Variants in TULP3 observed in about 807,000 individuals in gnomAD.
The protein encoded by TULP3 is TUB like protein 3, also known as tubby-related protein 3.
Under a neutral mutation model 50.7 loss-of-function variants are expected in TULP3, and 38 were observed. That is an observed-to-expected ratio of 0.75 (90% CI 0.58 to 0.98). TULP3 has a LOEUF of 0.98. TULP3 is among the 50% of genes least tolerant of loss of function. The pLI, the probability that TULP3 is intolerant of heterozygous loss-of-function variation, is 0.00. For synonymous variants in TULP3, 183 were observed against 196.6 expected (o/e 0.93, Z 0.58); for missense variants, 550 against 568.0 (o/e 0.97, Z 0.32).
At chr12:2,922,946 C>T (rs965795891) in intron 4 of TULP3, among the ~76,000 whole-genome samples, 11 of 151,726 alleles carry the variant, frequency 7.2e-5, no homozygotes, top group Admixed American at 2.6e-4. Flanking sequence ...CTCCGCCTCC[C>T]GGGTTCACGC....
intron 4 of TULP3, among the ~76,000 whole-genome samples, chr12:2,922,749 T>A (rs1002742571): frequency 1.3e-5 from 2 of 152,176 alleles, no homozygotes; most frequent in African/African-American, 2.4e-5. Flanking sequence ...CATTTCATAG[T>A]TGGTGATGAT....
intron 1 of TULP3, among the ~76,000 whole-genome samples, chr12:2,908,443 T>C (rs937761468): frequency 1.3e-5 from 2 of 152,116 alleles, no homozygotes. Context: ...TTTCTGTTTG[T>C]TTGTTTTGAG....
At chr12:2,899,979 T>C (rs976600757) in intron 1 of TULP3, among the ~76,000 whole-genome samples, 1 of 150,122 alleles carries the variant, frequency 6.7e-6, no homozygotes, top group African/African-American at 2.5e-5. Context: ...CTTTGGGAGG[T>C]TGAGGCAGGC....
At chr12:2,928,908 G>A (rs910528636) in intron 4 of TULP3, among the ~76,000 whole-genome samples, 4 of 152,120 alleles carry the variant, frequency 2.6e-5, no homozygotes, top group Non-Finnish European at 5.9e-5. Flanking sequence ...TGGTGCCACT[G>A]CACTCCAGCC....
intron 8 of TULP3, among the ~76,000 whole-genome samples, chr12:2,935,323 A>C (rs562522454): frequency 3.4e-4 from 51 of 152,060 alleles, no homozygotes; most frequent in African/African-American, 1.2e-3. Context: ...TTTCTGATGT[A>C]CTCCACTAGA....
In TULP3 at chr12:2,940,528, A is replaced by G; in HGVS notation, c.*1084A>G. On this transcript the variant is annotated 3_prime_UTR_variant, in exon 11 of 11. Coordinates refer to ENST00000448120, the MANE Select transcript of TULP3 (RefSeq NM_003324.5). ...ACTCTTACACCAGTTCACCCTTCCC[A>G]GAATGTATCCAAACCTTGAGAATGC... The G allele has an allele frequency of 6.5e-7, 1 of 1,546,622 alleles. No individual in the cohort carries two copies. Among genetic ancestry groups the G allele is most frequent in the East Asian group, 2.4e-5 (1 of 40,840 alleles).
At chr12:2,900,876 C>CTTT (rs57315328) in intron 1 of TULP3, among the ~76,000 whole-genome samples, 2 of 127,302 alleles carry the variant, frequency 1.6e-5, no homozygotes, top group Non-Finnish European at 1.6e-5. Context: ...AGCCGAAATA[C>CTTT]TTTTTTTTTT....
At chr12:2,911,453 C>T (rs1565500431) in intron 2 of TULP3, among the ~76,000 whole-genome samples, 3 of 151,536 alleles carry the variant, frequency 2.0e-5, no homozygotes, top group Admixed American at 6.6e-5. Flanking sequence ...CCCGGGTTCA[C>T]GCCATTCTCC....
chr12:2,940,500 GT>G lies in TULP3; in HGVS notation c.*1057del. ...ATTATTACACCCCTCCACGTATTAT[GT>G]GACTCTTACACCAGTTCACCCTTCC... On this transcript the variant is annotated 3_prime_UTR_variant, in exon 11 of 11. Coordinates refer to ENST00000448120, the MANE Select transcript of TULP3 (RefSeq NM_003324.5). The G allele has an allele frequency of 1.3e-6, 2 of 1,524,240 alleles. No homozygotes were observed. The highest frequency in any genetic ancestry group is 1.8e-6 in the Non-Finnish European group (2 of 1,132,366). 94.4% of individuals were successfully genotyped at this position (1,524,240 alleles called of 1,614,324 possible). A position where few individuals can be genotyped will look rare whatever the true frequency, so the allele number is the denominator to read the frequency against.
At chr12:2,914,678 G>A (rs2098187583) in intron 2 of TULP3, among the ~76,000 whole-genome samples, 1 of 152,062 alleles carries the variant, frequency 6.6e-6, no homozygotes, top group Non-Finnish European at 1.5e-5. Flanking sequence ...TGTTGCCCAG[G>A]TTGGAGTGTA....
chr12:2,902,618 A>G (rs374112846), intron 1 of TULP3, among the ~76,000 whole-genome samples: 29 of 152,370 alleles, frequency 1.9e-4, no homozygotes, highest in African/African-American at 6.0e-4. Flanking sequence ...TGACAGGAAC[A>G]TTGAGAGTCC....
rs1448663418 is a variant in TULP3 at position 2,941,031 on chromosome 12, T to G, written c.*1587T>G. On this transcript the variant is annotated 3_prime_UTR_variant, in exon 11 of 11. Coordinates refer to ENST00000448120, the MANE Select transcript of TULP3 (RefSeq NM_003324.5). Reference sequence around the variant, plus strand: ...TCTTCCTCCCTCTGGTTTAAAGAGATATATAAACTAATTTCACATAATTTG... The same window carrying G: ...TCTTCCTCCCTCTGGTTTAAAGAGAGATATAAACTAATTTCACATAATTTG... 1 of 318,560 alleles carries G rather than the reference T, an allele frequency of 3.1e-6. No homozygotes were observed. The highest frequency in any genetic ancestry group is 2.2e-5 in the African/African-American group (1 of 46,146). The allele number at this position is 318,560 out of a possible 1,614,324, so 19.7% of individuals were successfully genotyped here. A position where few individuals can be genotyped will look rare whatever the true frequency, so the allele number is the denominator to read the frequency against.
At chr12:2,913,835 TC>T (rs1011369400) in intron 2 of TULP3, among the ~76,000 whole-genome samples, 4 of 151,900 alleles carry the variant, frequency 2.6e-5, no homozygotes, top group Non-Finnish European at 5.9e-5. Flanking sequence ...GATCTCGAAC[TC>T]CTAACCTCAT....
chr12:2,923,890 G>A (rs754035770), intron 4 of TULP3, among the ~76,000 whole-genome samples: 17 of 151,596 alleles, frequency 1.1e-4, no homozygotes, highest in Non-Finnish European at 1.6e-4. Context: ...TGAGGCAGGA[G>A]GATGGCTTGA....
chr12:2,928,422 C>T (rs1036710599), intron 4 of TULP3, among the ~76,000 whole-genome samples: 9 of 151,742 alleles, frequency 5.9e-5, no homozygotes, highest in African/African-American at 2.4e-5. Context: ...CCCAGCTACT[C>T]GAGAAGCTGA....
intron 4 of TULP3, among the ~76,000 whole-genome samples, chr12:2,925,355 A>G (rs1363390112): frequency 6.6e-6 from 1 of 152,134 alleles, no homozygotes; most frequent in East Asian, 1.9e-4. Context: ...GTTCCAATAT[A>G]GTGTGGTGTT....
At chr12:2,937,923 A>G (rs1591540023) in intron 9 of TULP3, among the ~76,000 whole-genome samples, 191 bp from the exon 10 acceptor site, 1 of 152,068 alleles carries the variant, frequency 6.6e-6, no homozygotes, top group East Asian at 1.9e-4. Context: ...TTGCCTTGAA[A>G]CCATTTTTTC....
At chr12:2,916,200 G>A (rs923993774) in intron 2 of TULP3, among the ~76,000 whole-genome samples, 1 of 151,614 alleles carries the variant, frequency 6.6e-6, no homozygotes, top group Admixed American at 6.6e-5. Context: ...AGTAGAGATG[G>A]GGTTTCCGGC....
rs372007502 is a variant in TULP3, at chr12:2,920,714, G to A, written c.94-49G>A. ...AAACTGGGCATGTTGGAAATGGTTA[G>A]GTCATGTCAAAACTCTCCTTGCTGG... On this transcript the variant is annotated intron_variant, in intron 2 of 10. Coordinates refer to ENST00000448120, the MANE Select transcript of TULP3 (RefSeq NM_003324.5). 8.7e-6 allele frequency: 14 copies of A among 1,605,646 alleles called. No individual in the cohort carries two copies. The African/African-American group carries it at 1.3e-4, about 15-fold the overall frequency.
Sources: allele counts gnomAD v4.1 joint callset (sites outside exome capture counted in the v4.1 genomes callset), GRCh38; gene constraint gnomAD v4.1.1; transcripts MANE v1.5; gene names NCBI Gene and HGNC (gene_info 2026-07-23, HGNC 2026-07-21).